Variants in INTS6 observed in about 807,000 individuals in gnomAD.
INTS6 encodes DEAD box protein.
A neutral mutation model predicts 104.9 loss-of-function variants in INTS6; 16 were observed. That is an observed-to-expected ratio of 0.15 (90% CI 0.10 to 0.23). The LOEUF is 0.23. Ranked by LOEUF, INTS6 falls within the 10% of genes least tolerant of loss-of-function variation. The pLI, the probability that INTS6 is intolerant of heterozygous loss-of-function variation, is 1.00. For missense variants in INTS6, 584 were observed against 1,062.8 expected (o/e 0.55, Z 6.26); for synonymous variants, 324 against 358.7 (o/e 0.90, Z 1.09).
chr13:51,395,340 T>A lies in INTS6; in HGVS notation c.573A>T (p.Leu191Phe), dbSNP rs200603697. The A allele has an allele frequency of 5.5e-5, 89 of 1,612,650 alleles. 3 individuals carry two copies. The Middle Eastern group carries it at 4.3e-3, about 78-fold the overall frequency. Residue 191 changes from leucine (L) to phenylalanine (F), a missense_variant, in exon 5 of 18, where the codon TTA (leucine) becomes TTT (phenylalanine). By Grantham distance (22) the Leu-to-Phe change is conservative. This residue lies in a region of INTS6 where 144 missense variants were observed against 348.7 expected (regional missense o/e 0.41). Transcript: ENST00000311234. ...ACATTGGTGTGATTGCAGAGTCATC[T>A]AAAGGCACACCTGTCAACTGTTCTG... is the stretch of plus-strand genomic sequence containing the variant. ...VESEQLTGVP[L>F]DDSAITPMCE...
intron 4 of INTS6, among the ~76,000 whole-genome samples, chr13:51,404,123 G>GACAAC (rs1555287383): frequency 6.8e-6 from 1 of 147,824 alleles, no homozygotes; most frequent in Non-Finnish European, 1.5e-5. Context: ...GAGAGAGAGA[G>GACAAC]ACAACCCAGG....
chr13:51,408,529 C>A (rs1196188114), intron 4 of INTS6, among the ~76,000 whole-genome samples: 1 of 152,148 alleles, frequency 6.6e-6, no homozygotes, highest in Non-Finnish European at 1.5e-5. Context: ...AGCTTTGAAT[C>A]ATTTTGGAGA....
intron 4 of INTS6, among the ~76,000 whole-genome samples, chr13:51,415,307 C>T (rs1956767892): frequency 6.6e-6 from 1 of 152,120 alleles, no homozygotes; most frequent in Admixed American, 6.5e-5. Flanking sequence ...GTCACATTTA[C>T]TTCTTTCTCT....
intron 4 of INTS6, among the ~76,000 whole-genome samples, chr13:51,423,979 A>G (rs1221241682): frequency 6.6e-6 from 1 of 152,110 alleles, no homozygotes; most frequent in African/African-American, 2.4e-5. Flanking sequence ...CAAAATTTCC[A>G]GAATAAGAAC....
chr13:51,351,412 T>A (rs1436774978), downstream of INTS6, among the ~76,000 whole-genome samples: 1 of 152,158 alleles, frequency 6.6e-6, no homozygotes, highest in Non-Finnish European at 1.5e-5. Flanking sequence ...AGGTAGAGCA[T>A]CTTTTCATGT....
At chr13:51,398,697 GAAGA>G (rs1956383101) in intron 4 of INTS6, among the ~76,000 whole-genome samples, 1 of 143,498 alleles carries the variant, frequency 7.0e-6, no homozygotes, top group African/African-American at 2.6e-5. Flanking sequence ...CCAACTCCTA[GAAGA>G]ACTCTCATAT....
At chr13:51,412,887 T>A (rs1426033894) in intron 4 of INTS6, among the ~76,000 whole-genome samples, 1 of 152,234 alleles carries the variant, frequency 6.6e-6, no homozygotes, top group Non-Finnish European at 1.5e-5. Flanking sequence ...TTAAAGTTAT[T>A]GACTTGGAAG....
In INTS6 at chr13:51,383,691, T is replaced by C. The variant is rs965492395; in HGVS notation, c.945A>G (p.Glu315=). The change falls in exon 8 of 18, where the codon GAA becomes GAG. Residue 315 remains glutamate (E), a synonymous_variant. Coordinates refer to ENST00000311234, the MANE Select transcript of INTS6 (RefSeq NM_012141.3). The stretch of plus-strand genomic sequence containing the variant: ...AAGGAAGTTTATCAATAACCATTGG[T>C]TCACAGTCTGTACAGGAAAACTTCA... The part of the protein sequence containing the change: ...PVVKFSCTDC[E]PMVIDKLPFD... 1.4e-5 allele frequency: 22 copies of C among 1,613,850 alleles called. No individual in the cohort carries two copies. The highest frequency in any genetic ancestry group is 1.8e-5 in the Non-Finnish European group (21 of 1,179,904).
the INTS6 span, chr13:51,348,471 T>C: frequency 1.4e-6 from 2 of 1,452,698 alleles, no homozygotes; most frequent in South Asian, 1.2e-5. Context: ...GAGCGTGGAT[T>C]TGCACACAGG....
intron 16 of INTS6, 135 bp downstream of exon 16, chr13:51,368,804 T>G: frequency 3.3e-6 from 3 of 895,782 alleles, no homozygotes; most frequent in Non-Finnish European, 5.0e-6. Flanking sequence ...TAAAGGATCT[T>G]AACTGAGATG....
At chr13:51,399,287 C>T (rs1956393267) in intron 4 of INTS6, among the ~76,000 whole-genome samples, 1 of 152,048 alleles carries the variant, frequency 6.6e-6, no homozygotes. Context: ...GTTCACTGCA[C>T]CCTCAAACTC....
chr13:51,432,605 T>C (rs186765158), intron 3 of INTS6, among the ~76,000 whole-genome samples: 7 of 152,316 alleles, frequency 4.6e-5, no homozygotes, highest in Admixed American at 2.6e-4. Flanking sequence ...TCACTGAATA[T>C]AGCTTAATAC....
chr13:51,447,429 C>A (rs946768178), intron 3 of INTS6: 1 of 152,140 alleles, frequency 6.6e-6, no homozygotes, highest in African/African-American at 2.4e-5. Context: ...GGTTAAAATT[C>A]TTTTCCCTGA....
rs141440216 is a variant in INTS6, at chr13:51,368,867, CT to C, written c.2476+71del. ...GTATTCTTTTACTACAGTTACTTGA[CT>C]TTTTTTTTCTTTTTTGCTTTTTGAG... On this transcript the variant is annotated intron_variant, in intron 16 of 17. Transcript: ENST00000311234. 5.9e-3 allele frequency: 8,456 copies of C among 1,431,382 alleles called. 404 individuals are homozygous for C. In the African/African-American group the frequency reaches 0.11, roughly 18 times the overall value. The allele number at this position is 1,431,382 out of a possible 1,614,324, so 88.7% of individuals were successfully genotyped here.
chr13:51,362,191 T>G lies in INTS6; in HGVS notation c.*3561A>C, dbSNP rs968477376. ...CTTCTGAAGACACTTGGAAAAATCA[T>G]GAAAGTAAAATAAATTATAAATCTT... On this transcript the variant is annotated 3_prime_UTR_variant, in exon 18 of 18. Coordinates refer to ENST00000311234, the MANE Select transcript of INTS6 (RefSeq NM_012141.3). 1.3e-5 allele frequency: 9 copies of G among 670,354 alleles called. No individual in the cohort carries two copies. In the African/African-American group the frequency reaches 1.5e-4, roughly 11 times the overall value. 41.5% of individuals were successfully genotyped at this position (670,354 alleles called of 1,614,324 possible). A position where few individuals can be genotyped will look rare whatever the true frequency, so the allele number is the denominator to read the frequency against.
chr13:51,344,761 C>T, the INTS6 span, among the ~76,000 whole-genome samples: 1 of 152,142 alleles, frequency 6.6e-6, no homozygotes, highest in Non-Finnish European at 1.5e-5. Flanking sequence ...TTGTGCTCTT[C>T]AGAGCCTCCC....
Position 51,361,893 on chromosome 13 carries a change from G to C in INTS6, c.*3859C>G, listed in dbSNP as rs1955585072. 6.2e-7 allele frequency: 1 copy of C among 1,611,374 alleles called. No homozygotes were observed. Among genetic ancestry groups the C allele is most frequent in the African/African-American group, 1.3e-5 (1 of 74,670 alleles). On this transcript the variant is annotated 3_prime_UTR_variant, in exon 18 of 18. Coordinates refer to ENST00000311234, the MANE Select transcript of INTS6 (RefSeq NM_012141.3). ...CTATTTCCTGAGAGAACCTAACACA[G>C]GTATTACAGTATTTTTTGACAGGAT...
intron 11 of INTS6, 87 bp downstream of exon 11, chr13:51,379,375 C>CTTT (rs1025987219): frequency 3.5e-6 from 2 of 566,398 alleles, no homozygotes; most frequent in Non-Finnish European, 6.2e-6. Flanking sequence ...CCATTAGAAC[C>CTTT]ATCAAGAACT....
intron 3 of INTS6, chr13:51,354,933 T>G: frequency 1.6e-6 from 1 of 637,416 alleles, no homozygotes; most frequent in Non-Finnish European, 2.8e-6. Flanking sequence ...GAAATAAATC[T>G]GGTGGAGCCA....
Sources: allele counts gnomAD v4.1 joint callset (sites outside exome capture counted in the v4.1 genomes callset), GRCh38; gene constraint gnomAD v4.1.1; regional missense constraint gnomAD v4.1.1; transcripts MANE v1.5; gene names NCBI Gene and HGNC (gene_info 2026-07-23, HGNC 2026-07-21).